Variants in CTNND2 observed in about 807,000 individuals in gnomAD.
CTNND2 encodes the protein catenin delta-2.
A neutral mutation model predicts 144.4 loss-of-function variants in CTNND2; 22 were observed. That is an observed-to-expected ratio of 0.15 (90% CI 0.11 to 0.22). The LOEUF (loss-of-function observed/expected upper bound fraction) is 0.22, where lower values mean the gene tolerates loss of function less well. CTNND2 is among the 10% of genes least tolerant of loss of function. CTNND2 has a pLI of 1.00. For synonymous variants in CTNND2, 751 were observed against 695.6 expected, an observed-to-expected ratio of 1.08 and a Z score of -1.25; for missense variants, 1,353 against 1,618.8, an observed-to-expected ratio of 0.84 and a Z score of 2.82.
intron 9 of CTNND2, among the ~76,000 whole-genome samples, chr5:11,312,982 C>A (rs1344877674): frequency 6.6e-6 from 1 of 151,876 alleles, no homozygotes; most frequent in Non-Finnish European, 1.5e-5. Flanking sequence ...GTTTGCAGCT[C>A]CTTTGGCCCT....
At chr5:10,986,062 T>C (rs1242993999) in intron 20 of CTNND2, among the ~76,000 whole-genome samples, 1 of 152,250 alleles carries the variant, frequency 6.6e-6, no homozygotes, top group South Asian at 2.1e-4. Flanking sequence ...CTCAATGTTC[T>C]TTCTGGCTTG....
chr5:11,074,285 C>T (rs1003904719), intron 16 of CTNND2, among the ~76,000 whole-genome samples: 1 of 152,164 alleles, frequency 6.6e-6, no homozygotes, highest in African/African-American at 2.4e-5. Context: ...TCTATTTTAA[C>T]TGATAGGACT....
At chr5:11,333,246 T>C (rs1753359033) in intron 9 of CTNND2, among the ~76,000 whole-genome samples, 1 of 152,130 alleles carries the variant, frequency 6.6e-6, no homozygotes, top group African/African-American at 2.4e-5. Context: ...CTTTTGACTT[T>C]TTTCTTTTCT....
At chr5:11,258,260 C>G (rs1647899256) in intron 9 of CTNND2, among the ~76,000 whole-genome samples, 2 of 152,172 alleles carry the variant, frequency 1.3e-5, no homozygotes, top group Admixed American at 1.3e-4. Flanking sequence ...GACATATGGC[C>G]CAAAGAGGGA....
rs1295814039 is a variant in CTNND2 at position 11,397,091 on chromosome 5, G to C, written c.552C>G (p.Thr184=). Residue 184 remains threonine, a synonymous_variant, in exon 6 of 22, where the codon ACC becomes ACG. Coordinates refer to ENST00000304623, the MANE Select transcript of CTNND2 (RefSeq NM_001332.4). ...TGCCTCGGGCCGGGAGCTGTGAAGG[G>C]GTGGTTTCCCCCAGGGCCAGGGTCT... ...SNQTLALGET[T]PSQLPARGTQ... 1 of 1,614,004 alleles carries C rather than the reference G, an allele frequency of 6.2e-7. No individual in the cohort carries two copies. The highest frequency in any genetic ancestry group is 1.3e-5 in the African/African-American group (1 of 74,912).
At chr5:11,433,394 T>A (rs911568164) in intron 3 of CTNND2, among the ~76,000 whole-genome samples, 2 of 152,206 alleles carry the variant, frequency 1.3e-5, no homozygotes, top group Admixed American at 6.5e-5. Context: ...TTTAAAACAA[T>A]TGACACTACC....
intron 7 of CTNND2, among the ~76,000 whole-genome samples, chr5:11,380,681 G>GT (rs1387181076): frequency 6.6e-6 from 1 of 152,142 alleles, no homozygotes; most frequent in Non-Finnish European, 1.5e-5. Flanking sequence ...GAATTGTAGT[G>GT]TTTTCCCAGA....
chr5:11,016,968 G>A (rs1001226602), intron 18 of CTNND2, among the ~76,000 whole-genome samples: 123 of 92,712 alleles, frequency 1.3e-3, no homozygotes, highest in Non-Finnish European at 2.6e-3. Context: ...GTAGAGACTG[G>A]GTTTCACCAT....
At chr5:11,872,142 T>A (rs1735187309) in intron 1 of CTNND2, among the ~76,000 whole-genome samples, 1 of 152,110 alleles carries the variant, frequency 6.6e-6, no homozygotes. Context: ...TGTTTGGTTT[T>A]CTGTTCCTGT....
intron 20 of CTNND2, among the ~76,000 whole-genome samples, chr5:10,982,326 G>A (rs945321397): frequency 1.3e-5 from 2 of 152,212 alleles, no homozygotes; most frequent in Non-Finnish European, 2.9e-5. Context: ...GGACGGGCAG[G>A]GGGCATCGCC....
At chr5:11,797,285 T>A (rs1791454493) in intron 1 of CTNND2, among the ~76,000 whole-genome samples, 1 of 152,210 alleles carries the variant, frequency 6.6e-6, no homozygotes, top group South Asian at 2.1e-4. Flanking sequence ...GGATGCTGCA[T>A]TCCCGTCATT....
At chr5:11,892,537 T>C (rs1203994297) in intron 1 of CTNND2, among the ~76,000 whole-genome samples, 1 of 152,092 alleles carries the variant, frequency 6.6e-6, no homozygotes, top group South Asian at 2.1e-4. Flanking sequence ...AGAAATATTT[T>C]CCCTCATAAT....
intron 2 of CTNND2, among the ~76,000 whole-genome samples, chr5:11,709,744 T>C (rs903210119): frequency 6.6e-6 from 1 of 152,244 alleles, no homozygotes; most frequent in Non-Finnish European, 1.5e-5. Context: ...TCAGTAAGTA[T>C]AAGGTTGGAC....
chr5:11,280,531 T>G (rs1047581614), intron 9 of CTNND2, among the ~76,000 whole-genome samples: 4 of 152,206 alleles, frequency 2.6e-5, no homozygotes, highest in Admixed American at 2.6e-4. Flanking sequence ...CCTCCTCTTT[T>G]GCAAGGACAT....
intron 3 of CTNND2, among the ~76,000 whole-genome samples, chr5:11,413,798 T>C (rs1273594487): frequency 6.6e-6 from 1 of 152,160 alleles, no homozygotes; most frequent in Non-Finnish European, 1.5e-5. Flanking sequence ...TTCTTCTATA[T>C]TTTAAGGCTG....
At chr5:11,762,291 A>G (rs1019673343) in intron 1 of CTNND2, among the ~76,000 whole-genome samples, 1 of 152,180 alleles carries the variant, frequency 6.6e-6, no homozygotes, top group African/African-American at 2.4e-5. Context: ...AATGAGGCAT[A>G]AAGAAATTAA....
chr5:11,434,951 C>G (rs764003829), intron 3 of CTNND2, among the ~76,000 whole-genome samples: 6 of 151,972 alleles, frequency 3.9e-5, no homozygotes, highest in Non-Finnish European at 7.4e-5. Flanking sequence ...GTGTAACATA[C>G]ACACAAACAA....
In CTNND2 at chr5:11,220,708, T is replaced by C. The variant is rs756661501; in HGVS notation, c.1761+15983A>G. On this transcript the variant is annotated intron_variant, in intron 10 of 21. Transcript: ENST00000304623. ...ATGCTACTGGAACGCTCTTTGCCCG[T>C]CTCCATAAATACTTAGAGATTGGAT... Among the ~76,000 whole-genome samples the C allele has an allele frequency of 1.3e-4, 20 of 152,170 alleles. 1 individual carries two copies. The highest frequency in any genetic ancestry group is 2.9e-5 in the Non-Finnish European group (2 of 68,036).
intron 11 of CTNND2, among the ~76,000 whole-genome samples, chr5:11,166,272 G>C (rs1382518016): frequency 7.4e-6 from 1 of 134,366 alleles, no homozygotes; most frequent in African/African-American, 2.9e-5. Flanking sequence ...TTTTTGAGAT[G>C]GAGTCTTGCT....
Sources: gnomAD v4.1 joint callset for allele counts (sites outside exome capture counted in the v4.1 genomes callset) on GRCh38, gnomAD v4.1.1 for gene constraint, MANE v1.5 for transcripts, NCBI Gene and HGNC (gene_info 2026-07-23, HGNC 2026-07-21) for gene names.